Variants in ZNF227 observed in about 807,000 individuals in gnomAD.
ZNF227 encodes the protein zinc finger protein 227.
Under a neutral mutation model 13.2 loss-of-function variants are expected in ZNF227, and 12 were observed. The observed-to-expected ratio is 0.91, with a 90% CI of 0.58 to 1.47. The LOEUF is 1.47. ZNF227 is among the 40% of genes most tolerant of loss of function. The probability of loss-of-function intolerance (pLI) is 0.00; values close to 1 mark genes in which losing one functional copy is unlikely to be tolerated. For synonymous variants in ZNF227, 338 were observed against 326.0 expected, an observed-to-expected ratio of 1.04 and a Z score of -0.40; for missense variants, 885 against 967.5, an observed-to-expected ratio of 0.91 and a Z score of 1.13.
At chr19:44,232,467 G>C (rs1326768198) in intron 5 of ZNF227, among the ~76,000 whole-genome samples, 2 of 152,158 alleles carry the variant, frequency 1.3e-5, no homozygotes, top group Admixed American at 6.5e-5. Context: ...AACTCGGGAA[G>C]GTGCTGGACT....
intron 3 of ZNF227, among the ~76,000 whole-genome samples, chr19:44,226,359 T>C (rs1362828839): frequency 2.0e-5 from 3 of 152,240 alleles, no homozygotes; most frequent in Non-Finnish European, 4.4e-5. Flanking sequence ...TCTTTTTGTT[T>C]GTGCCCTGCC....
At chr19:44,219,937 C>G (rs911289169) in intron 3 of ZNF227, among the ~76,000 whole-genome samples, 2 of 151,876 alleles carry the variant, frequency 1.3e-5, no homozygotes, top group Non-Finnish European at 2.9e-5. Flanking sequence ...CCACTCCCCC[C>G]ACCCCACAAC....
intron 5 of ZNF227, among the ~76,000 whole-genome samples, chr19:44,230,341 AGAT>A (rs754316415): frequency 1.5e-4 from 23 of 152,100 alleles, no homozygotes; most frequent in Non-Finnish European, 2.9e-4. Flanking sequence ...AGAACACATG[AGAT>A]GATGTTATTC....
At chr19:44,230,926 A>AAAAAAAAAAAAAATATATATATATATAT (rs1555792168) in intron 5 of ZNF227, among the ~76,000 whole-genome samples, 1 of 68,132 alleles carries the variant, frequency 1.5e-5, no homozygotes, top group African/African-American at 9.8e-5. Flanking sequence ...AAAAAAAAAA[A>AAAAAAAAAAAAAATATATATATATATAT]ATATATATAT....
chr19:44,224,161 C>CGTAA (rs1972849912), intron 3 of ZNF227, among the ~76,000 whole-genome samples: 3 of 152,110 alleles, frequency 2.0e-5, no homozygotes, highest in African/African-American at 7.2e-5. Context: ...TGTTCTTTTA[C>CGTAA]ATTTGCTGAG....
chr19:44,208,087 G>A (rs1971252431), upstream of ZNF227, among the ~76,000 whole-genome samples: 1 of 152,144 alleles, frequency 6.6e-6, no homozygotes, highest in African/African-American at 2.4e-5. Flanking sequence ...TCTTATTACT[G>A]AATAAGGACA....
At position 44,236,242 on chromosome 19, in the gene ZNF227, TAA is replaced by T; in HGVS notation, c.1814_1815del (p.Lys605MetfsTer2). The T allele has an allele frequency of 1.2e-6, 2 of 1,613,900 alleles. No individual in the cohort carries two copies. Among genetic ancestry groups the T allele is most frequent in the Non-Finnish European group, 8.5e-7 (1 of 1,179,962 alleles). Reference sequence around the variant, plus strand: ...GAGTTCACTCAGGAGAAAAACCCTATAAATGTGAGCAGTGTGATAAGAGCTTC... The same window carrying T: ...GAGTTCACTCAGGAGAAAAACCCTATATGTGAGCAGTGTGATAAGAGCTTC... ...QRVHSGEKPY[K>X]CEQCDKSFSQ... On this transcript the variant is annotated frameshift_variant, in exon 6 of 6. Coordinates refer to ENST00000313040, the MANE Select transcript of ZNF227 (RefSeq NM_182490.3). LOFTEE classifies it low-confidence loss of function (END_TRUNC).
Position 44,230,939 on chromosome 19 carries a change from A to ATCTATATCTATATCTATATC in ZNF227, c.271+1124_271+1125insCTATATCTATATCTATATCT, listed in dbSNP as rs1568610013. ...AAAAAAAAAAAAAATATATATATAT[A>ATCTATATCTATATCTATATC]TATATATATATATATCTTAGCCAGG... is the stretch of plus-strand genomic sequence containing the variant. On this transcript the variant is annotated intron_variant, in intron 5 of 5. Coordinates refer to ENST00000313040, the MANE Select transcript of ZNF227 (RefSeq NM_182490.3). Among the ~76,000 whole-genome samples the ATCTATATCTATATCTATATC allele has an allele frequency of 1.9e-3, 256 of 135,616 alleles. 1 individual carries two copies. The highest frequency in any genetic ancestry group is 7.6e-3 in the African/African-American group (252 of 33,146). 89.0% of individuals were successfully genotyped at this position (135,616 alleles called of 152,430 possible).
In ZNF227 at chr19:44,236,249, G is replaced by A. The variant is rs779204159; in HGVS notation, c.1819G>A (p.Glu607Lys). ...VHSGEKPYKC[E>K]QCDKSFSQAI... is the part of the protein sequence containing the mutation. ...CTCAGGAGAAAAACCCTATAAATGT[G>A]AGCAGTGTGATAAGAGCTTCAGTCA... Residue 607 changes from glutamate (E) to lysine (K), a missense_variant, in exon 6 of 6, where the codon GAG becomes AAG. Glu to Lys is a moderately conservative substitution (Grantham distance 56). Transcript: ENST00000313040. 1.2e-5 allele frequency: 19 copies of A among 1,613,898 alleles called. No individual in the cohort carries two copies. In the Admixed American group the frequency reaches 3.0e-4, roughly 25 times the overall value.
chr19:44,234,369 C>A (rs566691082), intron 5 of ZNF227, among the ~76,000 whole-genome samples: 1 of 152,288 alleles, frequency 6.6e-6, no homozygotes, highest in East Asian at 1.9e-4. Flanking sequence ...GTAGGCTGTT[C>A]ATTGATGTTA....
In ZNF227 at chr19:44,236,677, T is replaced by C. The variant is rs747874748; in HGVS notation, c.2247T>C (p.Cys749=). The C allele has an allele frequency of 9.9e-6, 16 of 1,614,028 alleles. No individual in the cohort carries two copies. The South Asian group carries it at 1.8e-4, about 18-fold the overall frequency. Residue 749 remains cysteine, a synonymous_variant, in exon 6 of 6, where the codon TGT becomes TGC. Transcript: ENST00000313040. ...TREKLFKCEE[C]GKGFSQSARL... ...AAAAACTCTTTAAATGTGAAGAGTGTGGTAAAGGCTTCAGTCAGAGTGCAC... is the reference window on the plus strand; with the variant it reads ...AAAAACTCTTTAAATGTGAAGAGTGCGGTAAAGGCTTCAGTCAGAGTGCAC...
intron 3 of ZNF227, chr19:44,227,435 A>C (rs2122836152): frequency 6.6e-6 from 1 of 152,248 alleles, no homozygotes; most frequent in East Asian, 1.9e-4. Flanking sequence ...TTTAGTAGAG[A>C]CGGGGTTTCA....
chr19:44,235,688 G>A lies in ZNF227; in HGVS notation c.1258G>A (p.Ala420Thr). The A allele has an allele frequency of 1.2e-6, 2 of 1,613,318 alleles. No homozygotes were observed. Among genetic ancestry groups the A allele is most frequent in the South Asian group, 1.1e-5 (1 of 91,026 alleles). ...CEECGKGFTQ[A>T]AHFHIHQRVH... ...GGAATGTGGTAAGGGCTTCACTCAG[G>A]CTGCACATTTTCACATCCATCAGAG... The change falls in exon 6 of 6, where the codon GCT becomes ACT. Residue 420 changes from alanine (A) to threonine (T), a missense_variant. Physicochemically the swap from Ala to Thr is moderately conservative, Grantham distance 58 (BLOSUM62 0). Coordinates refer to ENST00000313040, the MANE Select transcript of ZNF227 (RefSeq NM_182490.3).
At position 44,236,188 on chromosome 19, in the gene ZNF227, T is replaced by C. The variant is rs371165628; in HGVS notation, c.1758T>C (p.Ser586=). ...GTGAGGAATGTGGGAAGGGCTTCAGTTGGAGATCAAATCTTCATGCACATC... is the reference window on the plus strand; with the variant it reads ...GTGAGGAATGTGGGAAGGGCTTCAGCTGGAGATCAAATCTTCATGCACATC... ...YKCEECGKGF[S]WRSNLHAHQR... The change falls in exon 6 of 6, where the codon AGT becomes AGC. Residue 586 remains serine (S), a synonymous_variant. Coordinates refer to ENST00000313040, the MANE Select transcript of ZNF227 (RefSeq NM_182490.3). The C allele has an allele frequency of 6.8e-6, 11 of 1,613,846 alleles. No individual in the cohort carries two copies. The highest frequency in any genetic ancestry group is 4.5e-5 in the East Asian group (2 of 44,866).
At chr19:44,218,235 C>T (rs1972094980) in intron 3 of ZNF227, among the ~76,000 whole-genome samples, 1 of 152,158 alleles carries the variant, frequency 6.6e-6, no homozygotes, top group Non-Finnish European at 1.5e-5. Context: ...AATTGCAGTG[C>T]CCTTAAAAGA....
At chr19:44,208,163 C>T (rs1029466487), upstream of ZNF227, among the ~76,000 whole-genome samples, 28 of 152,156 alleles carry the variant, frequency 1.8e-4, no homozygotes, top group Admixed American at 1.7e-3. Flanking sequence ...CCTATGTGTA[C>T]AGTCAAGCAG....
rs368864844 is a variant in ZNF227 at position 44,235,630 on chromosome 19, G to A, written c.1200G>A (p.Arg400=). ...GWSVNLRVHQ[R]VHRGEKPYKC... is the part of the protein sequence containing the mutation. ...GTGTTAATCTCCGTGTTCACCAGAGGGTCCACAGGGGTGAGAAGCCCTATA... is the reference window on the plus strand; with the variant it reads ...GTGTTAATCTCCGTGTTCACCAGAGAGTCCACAGGGGTGAGAAGCCCTATA... The change falls in exon 6 of 6, where the codon AGG becomes AGA. Residue 400 remains arginine (R), a synonymous_variant. Coordinates refer to ENST00000313040, the MANE Select transcript of ZNF227 (RefSeq NM_182490.3). 2.7e-5 allele frequency: 44 copies of A among 1,613,164 alleles called. 1 individual carries two copies. In the African/African-American group the frequency reaches 3.6e-4, roughly 13 times the overall value.
intron 2 of ZNF227, among the ~76,000 whole-genome samples, chr19:44,215,743 T>C (rs1389204586): frequency 6.6e-6 from 1 of 152,056 alleles, no homozygotes. Flanking sequence ...ATCCCAGCAC[T>C]TGGGGAGGCC....
intron 5 of ZNF227, among the ~76,000 whole-genome samples, chr19:44,230,945 A>G (rs1255200641): frequency 2.9e-5 from 4 of 135,666 alleles, no homozygotes; most frequent in East Asian, 4.1e-4. Context: ...ATATATATAT[A>G]TATATATATC....
Sources: allele counts gnomAD v4.1 joint callset (sites outside exome capture counted in the v4.1 genomes callset), GRCh38; gene constraint gnomAD v4.1.1; transcripts MANE v1.5; gene names NCBI Gene and HGNC (gene_info 2026-07-23, HGNC 2026-07-21).